The following VWA8 variants were observed in gnomAD, a reference collection of about 807,000 sequenced individuals.
The protein encoded by VWA8 is von Willebrand factor A domain-containing protein 8.
A neutral mutation model predicts 241.5 loss-of-function variants in VWA8; 221 were observed. That is an observed-to-expected ratio of 0.91 (90% CI 0.82 to 1.02). VWA8 has a LOEUF of 1.02. Ranked by LOEUF, VWA8 falls within the 50% of genes least tolerant of loss-of-function variation. The pLI is 0.00. For synonymous variants in VWA8, 852 were observed against 827.1 expected, an observed-to-expected ratio of 1.03 and a Z score of -0.52; for missense variants, 2,322 against 2,328.7, an observed-to-expected ratio of 1.00 and a Z score of 0.06.
chr13:41,642,959 T>G (rs1489581226), intron 37 of VWA8, among the ~76,000 whole-genome samples: 3 of 152,202 alleles, frequency 2.0e-5, no homozygotes, highest in African/African-American at 7.2e-5. Flanking sequence ...TTGAATTTTG[T>G]CTTGAAAAGT....
At chr13:41,902,186 C>T (rs1168355502) in intron 4 of VWA8, among the ~76,000 whole-genome samples, 2 of 151,846 alleles carry the variant, frequency 1.3e-5, no homozygotes, top group Non-Finnish European at 2.9e-5. Flanking sequence ...TAACAGCATA[C>T]CTATCTGATG....
intron 17 of VWA8, among the ~76,000 whole-genome samples, chr13:41,806,815 T>C (rs970682038): frequency 7.2e-5 from 11 of 151,750 alleles, no homozygotes; most frequent in South Asian, 6.3e-4. Flanking sequence ...GAAGGGGAGA[T>C]TGCAGTGAGC....
At chr13:41,695,270 G>T (rs893782088) in intron 29 of VWA8, among the ~76,000 whole-genome samples, 1 of 152,074 alleles carries the variant, frequency 6.6e-6, no homozygotes, top group African/African-American at 2.4e-5. Context: ...GAAGGGGAGG[G>T]TCTTTATTTT....
At chr13:41,590,597 C>G (rs1193398513) in intron 41 of VWA8, 43 bp downstream of exon 41, 1 of 1,599,856 alleles carries the variant, frequency 6.3e-7, no homozygotes, top group East Asian at 2.2e-5. Flanking sequence ...GTAAAGAGGG[C>G]TAGACTATGC....
At chr13:41,930,543 C>T (rs183651087) in intron 2 of VWA8, among the ~76,000 whole-genome samples, 4 of 152,274 alleles carry the variant, frequency 2.6e-5, no homozygotes, top group Admixed American at 2.6e-4. Context: ...ATTCAAAATA[C>T]TCTAAAATCT....
chr13:41,843,851 C>T (rs567775786), intron 12 of VWA8, among the ~76,000 whole-genome samples: 1 of 152,150 alleles, frequency 6.6e-6, no homozygotes, highest in South Asian at 2.1e-4. Context: ...TAATAAAAAA[C>T]TTACCAAAAA....
At chr13:41,860,699 T>C (rs1872965897) in intron 12 of VWA8, among the ~76,000 whole-genome samples, 1 of 152,306 alleles carries the variant, frequency 6.6e-6, no homozygotes, top group Admixed American at 6.5e-5. Context: ...TTCTTTTACA[T>C]AACAAGATAG....
chr13:41,610,989 T>C (rs952703389), intron 39 of VWA8, among the ~76,000 whole-genome samples: 1 of 152,158 alleles, frequency 6.6e-6, no homozygotes, highest in African/African-American at 2.4e-5. Context: ...TGGTACCCAT[T>C]ATCCTGAGTG....
At chr13:41,864,989 C>CAAAAAAAAAAA (rs35515775) in intron 12 of VWA8, among the ~76,000 whole-genome samples, 15 of 75,080 alleles carry the variant, frequency 2.0e-4, no homozygotes, top group African/African-American at 8.0e-4. Flanking sequence ...AACTCCATCT[C>CAAAAAAAAAAA]AAAAAAAAAA....
intron 2 of VWA8, among the ~76,000 whole-genome samples, chr13:41,936,515 A>T (rs1233382675): frequency 6.6e-6 from 1 of 152,176 alleles, no homozygotes; most frequent in East Asian, 1.9e-4. Context: ...TTTCTCATTT[A>T]AACAATGTCT....
intron 21 of VWA8, among the ~76,000 whole-genome samples, chr13:41,749,185 A>G (rs918492064): frequency 5.9e-5 from 9 of 152,144 alleles, no homozygotes; most frequent in African/African-American, 2.2e-4. Context: ...CCATCAAAAA[A>G]TGGGCAAAGG....
In VWA8 at chr13:41,732,137, A is replaced by G; in HGVS notation, c.2445T>C (p.Thr815=). ...IQLHRDTTVQ[T]LTLQPSVKDG... ...CTTTAACCGAAGGCTGAAGCGTAAG[A>G]GTTTGTACTGTGGTATCCCTAAAGT... Residue 815 remains threonine, a synonymous_variant, in exon 22 of 45, where the codon ACT becomes ACC. Transcript: ENST00000379310. 1 of 1,613,146 alleles carries G rather than the reference A, an allele frequency of 6.2e-7. No homozygotes were observed. Among genetic ancestry groups the G allele is most frequent in the Non-Finnish European group, 8.5e-7 (1 of 1,179,496 alleles).
chr13:41,741,614 T>C (rs2045569895), intron 21 of VWA8, among the ~76,000 whole-genome samples: 1 of 152,244 alleles, frequency 6.6e-6, no homozygotes, highest in Non-Finnish European at 1.5e-5. Context: ...GTACACCTAG[T>C]GTCTATCATT....
intron 37 of VWA8, among the ~76,000 whole-genome samples, chr13:41,640,662 G>A (rs1243344180): frequency 6.6e-6 from 1 of 152,132 alleles, no homozygotes; most frequent in East Asian, 1.9e-4. Context: ...TTTACCTAGT[G>A]ATTTAGTTGC....
At chr13:41,830,283 A>G (rs1009212842) in intron 14 of VWA8, among the ~76,000 whole-genome samples, 30 of 151,754 alleles carry the variant, frequency 2.0e-4, no homozygotes, top group Non-Finnish European at 3.7e-4. Flanking sequence ...AACAACAAAA[A>G]AGCAAATAAA....
intron 37 of VWA8, among the ~76,000 whole-genome samples, chr13:41,659,732 C>G (rs994504144): frequency 2.0e-5 from 3 of 152,092 alleles, no homozygotes; most frequent in African/African-American, 7.2e-5. Context: ...AACAACAAAG[C>G]TTTTTATTAG....
intron 23 of VWA8, 95 bp from the exon 24 acceptor site, chr13:41,727,408 T>C: frequency 9.9e-7 from 1 of 1,005,582 alleles, no homozygotes; most frequent in Non-Finnish European, 1.4e-6. Context: ...AGTTATACTG[T>C]TCAATTGTAA....
chr13:41,715,208 T>A (rs767369893), intron 26 of VWA8, among the ~76,000 whole-genome samples: 2 of 151,956 alleles, frequency 1.3e-5, no homozygotes, highest in Non-Finnish European at 2.9e-5. Flanking sequence ...TATCTATAAA[T>A]GTTTCTATTA....
intron 17 of VWA8, among the ~76,000 whole-genome samples, chr13:41,809,340 T>G (rs1213284835): frequency 6.6e-6 from 1 of 152,096 alleles, no homozygotes; most frequent in Admixed American, 6.6e-5. Flanking sequence ...ACCAATCATA[T>G]TACCTGACTT....
Sources: gnomAD v4.1 joint callset for allele counts (sites outside exome capture counted in the v4.1 genomes callset) on GRCh38, gnomAD v4.1.1 for gene constraint, MANE v1.5 for transcripts, NCBI Gene and HGNC (gene_info 2026-07-23, HGNC 2026-07-21) for gene names.